COL4A1: variants seen among roughly 807,000 people sequenced by gnomAD.
COL4A1 encodes the protein collagen type IV alpha 1 chain, also known as collagen alpha-1(IV) chain.
In COL4A1, 40 loss-of-function variants were observed where a neutral mutation model predicts 216.6. The ratio of observed to expected loss-of-function variants is 0.18; its 90% CI spans 0.14 to 0.24. COL4A1 has a LOEUF of 0.24. Among genes scored for constraint, COL4A1 ranks in the 10% least tolerant of loss-of-function variants. The pLI, the probability that COL4A1 is intolerant of heterozygous loss-of-function variation, is 1.00. For synonymous variants in COL4A1, 839 were observed against 810.7 expected, an observed-to-expected ratio of 1.03 and a Z score of -0.59; for missense variants, 1,628 against 2,196.8, an observed-to-expected ratio of 0.74 and a Z score of 5.18.
At position 110,155,407 on chromosome 13, in the gene COL4A1, GAGC is replaced by G. The variant is rs779727078; in HGVS notation, c.4641-13_4641-11del. ...CTCACACACAGCACACCTGGAAGTG[GAGC>G]AGAGACACTCAGCACAGCCGGGGTG... On this transcript the variant is annotated splice_polypyrimidine_tract_variant and intron_variant, in intron 49 of 51. Transcript: ENST00000375820. 1 of 1,606,498 alleles carries G rather than the reference GAGC, an allele frequency of 6.2e-7. No homozygotes were observed. Among genetic ancestry groups the G allele is most frequent in the South Asian group, 1.1e-5 (1 of 90,796 alleles).
intron 21 of COL4A1, among the ~76,000 whole-genome samples, chr13:110,196,965 TGG>T (rs1189179245): frequency 1.2e-3 from 190 of 152,336 alleles, no homozygotes; most frequent in Non-Finnish European, 2.1e-3. Context: ...TTAATTTACG[TGG>T]ACTAAAAAGG....
chr13:110,230,850 G>A (rs4506763), intron 2 of COL4A1, among the ~76,000 whole-genome samples: 7 of 152,072 alleles, frequency 4.6e-5, no homozygotes, highest in East Asian at 1.9e-4. Flanking sequence ...CCAGCCGCCC[G>A]GAACCTCTGC....
intron 1 of COL4A1, among the ~76,000 whole-genome samples, chr13:110,243,566 G>T (rs1021804119): frequency 6.6e-6 from 1 of 152,122 alleles, no homozygotes; most frequent in Non-Finnish European, 1.5e-5. Context: ...TGATCCACCC[G>T]CCTCAGCCTC....
intron 1 of COL4A1, among the ~76,000 whole-genome samples, chr13:110,283,521 C>T (rs1014359457): frequency 1.2e-4 from 19 of 152,242 alleles, no homozygotes; most frequent in Admixed American, 8.5e-4. Flanking sequence ...CGCACACACA[C>T]GCACATGTGC....
At chr13:110,159,169 T>C (rs1339257882) in intron 49 of COL4A1, among the ~76,000 whole-genome samples, 1 of 152,200 alleles carries the variant, frequency 6.6e-6, no homozygotes, top group Admixed American at 6.5e-5. Context: ...AAAACGTACT[T>C]CAGATATTAG....
At chr13:110,202,991 T>C (rs2139193314) in intron 18 of COL4A1, among the ~76,000 whole-genome samples, 1 of 152,210 alleles carries the variant, frequency 6.6e-6, no homozygotes, top group Non-Finnish European at 1.5e-5. Flanking sequence ...GGTGGGTGGG[T>C]CACCTGAGAT....
intron 1 of COL4A1, among the ~76,000 whole-genome samples, chr13:110,304,274 T>G (rs1451357342): frequency 1.3e-5 from 2 of 152,168 alleles, no homozygotes; most frequent in Non-Finnish European, 2.9e-5. Context: ...ACATTTCCAG[T>G]AGAACATGGT....
chr13:110,187,356 CAGA>C (rs778205764), intron 24 of COL4A1, 27 bp from the exon 25 acceptor site: 1 of 1,611,178 alleles, frequency 6.2e-7, no homozygotes. Flanking sequence ...TTGTGATCCA[CAGA>C]AGAACCCATC....
At chr13:110,203,212 C>CAA (rs909999144) in intron 18 of COL4A1, among the ~76,000 whole-genome samples, 2 of 140,524 alleles carry the variant, frequency 1.4e-5, no homozygotes, top group African/African-American at 5.2e-5. Context: ...GACTCCATTT[C>CAA]AAAAAAAAAA....
chr13:110,240,786 T>C (rs1398641294), intron 2 of COL4A1, among the ~76,000 whole-genome samples: 1 of 152,224 alleles, frequency 6.6e-6, no homozygotes, highest in Non-Finnish European at 1.5e-5. Context: ...CTACACCCTA[T>C]CATTCTCCCT....
chr13:110,262,134 G>A (rs1240200569), intron 1 of COL4A1, among the ~76,000 whole-genome samples: 3 of 152,198 alleles, frequency 2.0e-5, no homozygotes, highest in Admixed American at 2.0e-4. Context: ...TGAGTACCCC[G>A]TGTGCAGTAG....
At chr13:110,290,719 A>C (rs1166065960) in intron 1 of COL4A1, among the ~76,000 whole-genome samples, 1 of 152,054 alleles carries the variant, frequency 6.6e-6, no homozygotes. Context: ...TAGCAAGTGA[A>C]GCTTGGGTGC....
chr13:110,235,590 T>C (rs1290090695), intron 2 of COL4A1, among the ~76,000 whole-genome samples: 1 of 144,794 alleles, frequency 6.9e-6, no homozygotes, highest in Non-Finnish European at 1.5e-5. Flanking sequence ...ACCCGGGAGG[T>C]GGAGCTTGCA....
chr13:110,298,302 T>C (rs1293642259), intron 1 of COL4A1, among the ~76,000 whole-genome samples: 1 of 152,236 alleles, frequency 6.6e-6, no homozygotes, highest in Non-Finnish European at 1.5e-5. Flanking sequence ...GGCGCTAGCA[T>C]AATGTTTACA....
chr13:110,179,578 T>A (rs533074970), intron 29 of COL4A1, among the ~76,000 whole-genome samples, 157 bp from the exon 30 acceptor site: 2 of 152,222 alleles, frequency 1.3e-5, no homozygotes, highest in Non-Finnish European at 2.9e-5. Flanking sequence ...AGCTTCCTCA[T>A]ACCTATTATA....
At chr13:110,178,001 A>G in intron 32 of COL4A1, 63 bp downstream of exon 32, 1 of 1,614,056 alleles carries the variant, frequency 6.2e-7, no homozygotes, top group African/African-American at 1.3e-5. Context: ...TGAGTCATAA[A>G]AAGAATAAGG....
chr13:110,279,805 T>C (rs148894187), intron 1 of COL4A1, among the ~76,000 whole-genome samples: 2 of 152,344 alleles, frequency 1.3e-5, no homozygotes, highest in East Asian at 1.9e-4. Flanking sequence ...CTGACTTTCT[T>C]GGCACTACTA....
intron 2 of COL4A1, among the ~76,000 whole-genome samples, chr13:110,218,781 G>A (rs909187582): frequency 1.3e-5 from 2 of 152,180 alleles, no homozygotes; most frequent in Non-Finnish European, 2.9e-5. Flanking sequence ...TCGGGACCAC[G>A]ATGGCCCTGC....
chr13:110,210,073 A>G (rs779110208), intron 9 of COL4A1, 31 bp from the exon 10 acceptor site: 2 of 1,614,066 alleles, frequency 1.2e-6, no homozygotes, highest in Non-Finnish European at 1.7e-6. Flanking sequence ...ATGAGTTCAG[A>G]TGCGAACTGG....
Sources: gnomAD v4.1 joint callset for allele counts (sites outside exome capture counted in the v4.1 genomes callset) on GRCh38, gnomAD v4.1.1 for gene constraint, MANE v1.5 for transcripts, NCBI Gene and HGNC (gene_info 2026-07-23, HGNC 2026-07-21) for gene names.